Variants in SMOC1 observed in about 807,000 individuals in gnomAD.
The protein encoded by SMOC1 is SPARC-related modular calcium-binding protein 1.
In SMOC1, 22 loss-of-function variants were observed where a neutral mutation model predicts 56.3. The observed-to-expected ratio is 0.39, with a 90% CI of 0.28 to 0.56. The LOEUF (loss-of-function observed/expected upper bound fraction) is 0.56, where lower values mean the gene tolerates loss of function less well. Among genes scored for constraint, SMOC1 ranks in the 20% least tolerant of loss-of-function variants. The probability of loss-of-function intolerance (pLI) is 0.61; values close to 1 mark genes in which losing one functional copy is unlikely to be tolerated. For synonymous variants in SMOC1, 193 were observed against 215.0 expected (o/e 0.90, Z 0.89); for missense variants, 509 against 565.4 (o/e 0.90, Z 1.01).
chr14:69,962,918 C>G (rs1209970311), intron 3 of SMOC1, among the ~76,000 whole-genome samples: 1 of 151,968 alleles, frequency 6.6e-6, no homozygotes, highest in Non-Finnish European at 1.5e-5. Flanking sequence ...TTTTTTTTCT[C>G]TTTTATTTCT....
At chr14:69,989,322 A>T (rs1884481380) in intron 5 of SMOC1, among the ~76,000 whole-genome samples, 1 of 152,202 alleles carries the variant, frequency 6.6e-6, no homozygotes, top group African/African-American at 2.4e-5. Context: ...TTTATTAGCC[A>T]TCTGTATCTC....
chr14:69,881,512 G>T (rs1436536779), intron 1 of SMOC1, among the ~76,000 whole-genome samples: 1 of 152,144 alleles, frequency 6.6e-6, no homozygotes, highest in African/African-American at 2.4e-5. Flanking sequence ...AGGCACCGTG[G>T]TTAGGTTCCT....
chr14:70,001,538 A>G (rs976508423), intron 7 of SMOC1, among the ~76,000 whole-genome samples: 2 of 152,178 alleles, frequency 1.3e-5, no homozygotes, highest in African/African-American at 4.8e-5. Flanking sequence ...TAGTTTACCT[A>G]CAGACCTAAT....
intron 8 of SMOC1, 26 bp from the exon 9 acceptor site, chr14:70,011,453 TCCCAAC>T: frequency 1.1e-6 from 1 of 873,956 alleles, no homozygotes. Context: ...TGCCAGCCCC[TCCCAAC>T]CCCCCCCATA....
At chr14:70,009,798 A>G (rs2139584425) in intron 7 of SMOC1, among the ~76,000 whole-genome samples, 1 of 152,334 alleles carries the variant, frequency 6.6e-6, no homozygotes, top group Admixed American at 6.5e-5. Flanking sequence ...CTTTGGCAGG[A>G]TTATAGGTTT....
At chr14:69,961,272 G>GTGTGTATA (rs1447169812) in intron 3 of SMOC1, among the ~76,000 whole-genome samples, 5 of 74,968 alleles carry the variant, frequency 6.7e-5, no homozygotes, top group African/African-American at 3.0e-4. Context: ...ATTCTATTGT[G>GTGTGTATA]TATATATATA....
chr14:69,923,015 G>A, intron 1 of SMOC1, among the ~76,000 whole-genome samples: 1 of 151,490 alleles, frequency 6.6e-6, no homozygotes, highest in East Asian at 1.9e-4. Flanking sequence ...CATGATCTCG[G>A]CTCACTGCAA....
chr14:69,976,478 A>G (rs1001000286), intron 4 of SMOC1, among the ~76,000 whole-genome samples: 1 of 152,244 alleles, frequency 6.6e-6, no homozygotes, highest in Non-Finnish European at 1.5e-5. Flanking sequence ...TAGACAAGTT[A>G]GCAAACTATT....
intron 5 of SMOC1, among the ~76,000 whole-genome samples, chr14:69,990,218 G>T (rs1393695244): frequency 6.6e-6 from 1 of 152,196 alleles, no homozygotes; most frequent in African/African-American, 2.4e-5. Flanking sequence ...TTTGCTGATG[G>T]CTGGGCCCGA....
intron 4 of SMOC1, among the ~76,000 whole-genome samples, chr14:69,977,159 T>C (rs1425760074): frequency 6.6e-6 from 1 of 152,110 alleles, no homozygotes; most frequent in Non-Finnish European, 1.5e-5. Context: ...ATTAGGGAAA[T>C]AGAGATTCTT....
At chr14:69,965,377 A>AAAT (rs544015097) in intron 3 of SMOC1, among the ~76,000 whole-genome samples, 2,627 of 113,900 alleles carry the variant, frequency 0.023, 45 homozygotes, top group African/African-American at 0.036. Flanking sequence ...CAAGACTCTC[A>AAAT]AATAATAATA....
intron 9 of SMOC1, among the ~76,000 whole-genome samples, chr14:70,011,823 C>T (rs890215794): frequency 6.6e-6 from 1 of 152,324 alleles, no homozygotes; most frequent in Middle Eastern, 3.4e-3. Context: ...TTCCACAATG[C>T]GTTGTCCATC....
At chr14:70,006,539 G>A (rs1203774752) in intron 7 of SMOC1, among the ~76,000 whole-genome samples, 5 of 152,174 alleles carry the variant, frequency 3.3e-5, no homozygotes, top group Non-Finnish European at 2.9e-5. Context: ...ACAAAAATAC[G>A]TACAGGGTAA....
chr14:69,968,949 C>T (rs909879001), intron 3 of SMOC1, among the ~76,000 whole-genome samples: 16 of 152,130 alleles, frequency 1.1e-4, no homozygotes, highest in African/African-American at 3.9e-4. Flanking sequence ...TCCATGGGAT[C>T]CCAGTTGTCC....
chr14:69,961,292 A>G (rs893614062), intron 3 of SMOC1, among the ~76,000 whole-genome samples: 34 of 118,710 alleles, frequency 2.9e-4, no homozygotes, highest in East Asian at 1.4e-3. Flanking sequence ...ATATATATAT[A>G]TATATATATA....
At chr14:69,961,904 C>T (rs1462348331) in intron 3 of SMOC1, among the ~76,000 whole-genome samples, 1 of 152,146 alleles carries the variant, frequency 6.6e-6, no homozygotes, top group African/African-American at 2.4e-5. Flanking sequence ...TCTCCACATC[C>T]TTGTCAACAC....
intron 5 of SMOC1, among the ~76,000 whole-genome samples, chr14:69,989,074 G>A (rs1884472019): frequency 6.6e-6 from 1 of 152,158 alleles, no homozygotes; most frequent in African/African-American, 2.4e-5. Context: ...GAATTTTGGG[G>A]TTAAAAGTTG....
intron 10 of SMOC1, among the ~76,000 whole-genome samples, chr14:70,020,450 C>T (rs140487141): frequency 1.3e-5 from 2 of 152,120 alleles, no homozygotes; most frequent in African/African-American, 2.4e-5. Context: ...TTTTGGCAGC[C>T]GAAGGAGTTC....
intron 1 of SMOC1, among the ~76,000 whole-genome samples, chr14:69,941,513 CCA>C (rs1172069510): frequency 2.0e-5 from 3 of 152,292 alleles, no homozygotes; most frequent in Non-Finnish European, 2.9e-5. Context: ...TTTTCCATCC[CCA>C]CTGCTGCCTT....
Sources: allele counts gnomAD v4.1 joint callset (sites outside exome capture counted in the v4.1 genomes callset), GRCh38; gene constraint gnomAD v4.1.1; transcripts MANE v1.5; gene names NCBI Gene and HGNC (gene_info 2026-07-23, HGNC 2026-07-21).